The following KIF7 variants were observed in gnomAD, a reference collection of about 807,000 sequenced individuals.
KIF7 encodes kinesin family member 7.
A neutral mutation model predicts 135.7 loss-of-function variants in KIF7; 104 were observed. The observed-to-expected ratio is 0.77, with a 90% CI of 0.65 to 0.90. The LOEUF is 0.90. Ranked by LOEUF, KIF7 falls within the 40% of genes least tolerant of loss-of-function variation. The pLI is 0.00. For missense variants in KIF7, 2,005 were observed against 1,839.1 expected (o/e 1.09, Z -1.65); for synonymous variants, 883 against 809.4 (o/e 1.09, Z -1.54).
At chr15:89,629,698 C>T (rs931809153) in intron 16 of KIF7, 125 bp from the exon 17 acceptor site, 8 of 1,322,610 alleles carry the variant, frequency 6.0e-6, no homozygotes, top group Non-Finnish European at 8.3e-6. Flanking sequence ...AGGGTCTTCC[C>T]TGCTGAGCCA....
chr15:89,624,228 T>TA, downstream of KIF7: 1 of 1,614,188 alleles, frequency 6.2e-7, no homozygotes, highest in Non-Finnish European at 8.5e-7. Context: ...CCCCACCTGT[T>TA]ACGCCAAAGA....
rs1963643530 is a variant in KIF7, at chr15:89,630,268, C to A, written c.3318+19G>T. On this transcript the variant is annotated intron_variant, in intron 16 of 18. Coordinates refer to ENST00000394412, the MANE Select transcript of KIF7 (RefSeq NM_198525.3). The stretch of plus-strand genomic sequence containing the variant: ...GTGCCGCTGAGGAGGAGCTGGGGGG[C>A]CATGGGCTGCTGGCCCACCTTGTCA... The A allele has an allele frequency of 1.2e-6, 2 of 1,611,506 alleles. No individual in the cohort carries two copies. Among genetic ancestry groups the A allele is most frequent in the African/African-American group, 2.7e-5 (2 of 74,882 alleles).
upstream of KIF7, among the ~76,000 whole-genome samples, chr15:89,660,406 G>T (rs1964245909): frequency 6.6e-6 from 1 of 152,188 alleles, no homozygotes; most frequent in Non-Finnish European, 1.5e-5. Flanking sequence ...GTTCTGTCCA[G>T]TGGGTTATAA....
chr15:89,633,729 C>A lies in KIF7; in HGVS notation c.2549G>T (p.Arg850Leu), dbSNP rs141514601. ...CTTGCTCATTTCTGCCTCCAGGCGC[C>A]GCTTCTGCTCCGTCTCCTCGCGAAG... Reference protein sequence around the residue: ...RRLREETEQKRRLEAEMSKRQ... With the variant: ...RRLREETEQKLRLEAEMSKRQ... Residue 850 changes from arginine to leucine, a missense_variant, in exon 12 of 19, where the codon CGG becomes CTG. Physicochemically the swap from Arg to Leu is moderately radical, Grantham distance 102. Coordinates refer to ENST00000394412, the MANE Select transcript of KIF7 (RefSeq NM_198525.3). 2.2e-4 allele frequency: 351 copies of A among 1,608,810 alleles called. 2 individuals are homozygous for A. In the African/African-American group the frequency reaches 4.0e-3, roughly 18 times the overall value.
intron 10 of KIF7, among the ~76,000 whole-genome samples, chr15:89,643,677 G>A (rs1963961342): frequency 6.6e-6 from 1 of 152,204 alleles, no homozygotes; most frequent in South Asian, 2.1e-4. Context: ...ACGAGGTCAA[G>A]AGATCGAGAC....
chr15:89,639,464 A>C (rs1011967644), intron 11 of KIF7, among the ~76,000 whole-genome samples: 2 of 127,806 alleles, frequency 1.6e-5, no homozygotes, highest in Non-Finnish European at 3.3e-5. Context: ...AAACAACCCC[A>C]TCAAAAAGTG....
intron 1 of KIF7, 84 bp from the exon 2 acceptor site, chr15:89,653,038 C>A (rs1392704627): frequency 1.1e-5 from 12 of 1,079,518 alleles, no homozygotes; most frequent in Non-Finnish European, 1.5e-5. Context: ...GAGCCAGATC[C>A]TGCAGCTCCT....
intron 5 of KIF7, 35 bp from the exon 6 acceptor site, chr15:89,647,747 G>A (rs1192789386): frequency 2.0e-6 from 3 of 1,472,272 alleles, no homozygotes; most frequent in South Asian, 1.2e-5. Flanking sequence ...AGGGGCGGGG[G>A]TTGACAGGGC....
upstream of KIF7, among the ~76,000 whole-genome samples, chr15:89,658,127 T>A (rs1299059779): frequency 6.6e-6 from 1 of 152,166 alleles, no homozygotes; most frequent in Non-Finnish European, 1.5e-5. Context: ...AGAGAACTCT[T>A]AAGCTTCCTG....
At position 89,633,155 on chromosome 15, in the gene KIF7, G is replaced by A. The variant is rs1293379353; in HGVS notation, c.2704C>T (p.Leu902=). 1 of 1,603,488 alleles carries A rather than the reference G, an allele frequency of 6.2e-7. No individual in the cohort carries two copies. The highest frequency in any genetic ancestry group is 1.3e-5 in the African/African-American group (1 of 74,902). Residue 902 remains leucine (L), a synonymous_variant, in exon 13 of 19, where the codon CTG becomes TTG. Coordinates refer to ENST00000394412, the MANE Select transcript of KIF7 (RefSeq NM_198525.3). The stretch of plus-strand genomic sequence containing the variant: ...CCTGGCCCCACCTGCTGCTGTTCCA[G>A]GCTGACCACAGAGCCGTTGCTGCCA... ...RSGSNGSVVS[L]EQQQKIEEQK...
chr15:89,652,564 C>T (rs1964139833), intron 2 of KIF7, 39 bp downstream of exon 2: 1 of 1,433,318 alleles, frequency 7.0e-7, no homozygotes, highest in African/African-American at 1.4e-5. Context: ...AACTAAGGCT[C>T]CTTAAAGTGG....
chr15:89,651,213 C>A (rs1023334692), intron 2 of KIF7, among the ~76,000 whole-genome samples: 1 of 152,142 alleles, frequency 6.6e-6, no homozygotes, highest in Admixed American at 6.5e-5. Context: ...GATTCCCCTG[C>A]CTCAGCCTCC....
At chr15:89,623,690 C>T (rs926395148), downstream of KIF7, 5 of 1,614,062 alleles carry the variant, frequency 3.1e-6, no homozygotes, top group Admixed American at 1.7e-5. Context: ...ATCTCTCATA[C>T]ACCACAAACT....
chr15:89,634,207 G>A (rs1963752465), intron 11 of KIF7, among the ~76,000 whole-genome samples: 2 of 152,174 alleles, frequency 1.3e-5, no homozygotes, highest in Non-Finnish European at 2.9e-5. Context: ...GCTGAGGCAG[G>A]AGAATCACTT....
In KIF7 at chr15:89,630,370, G is replaced by A. The variant is rs1963646325; in HGVS notation, c.3235C>T (p.Gln1079Ter). 3 of 1,614,118 alleles carry A rather than the reference G, an allele frequency of 1.9e-6. No individual in the cohort carries two copies. The highest frequency in any genetic ancestry group is 2.5e-6 in the Non-Finnish European group (3 of 1,180,006). ...VLRASASLLSQCEMNLMAKLS... is the reference protein window; with the variant it reads ...VLRASASLLS ...TTGGCCATGAGGTTCATCTCGCACTGGGACAGCAACGAGGCTGAGGCCCGA... is the reference window on the plus strand; with the variant it reads ...TTGGCCATGAGGTTCATCTCGCACTAGGACAGCAACGAGGCTGAGGCCCGA... The change falls in exon 16 of 19, where the codon CAG (glutamine) becomes TAG (stop). Residue 1079 changes from glutamine (Q) to a stop codon, truncating the protein, a stop_gained. Transcript: ENST00000394412. LOFTEE classifies it high-confidence loss of function.
At position 89,648,508 on chromosome 15, in the gene KIF7, G is replaced by A. The variant is rs1004008713; in HGVS notation, c.1190C>T (p.Ala397Val). The change falls in exon 5 of 19, where the codon GCC becomes GTC. Residue 397 changes from alanine to valine, a missense_variant. Ala to Val is a moderately conservative substitution (Grantham distance 64, BLOSUM62 0). Transcript: ENST00000394412. Reference sequence around the variant, plus strand: ...CAGGCGCATGGCGGCCGCCGCGGAGGCGGTGGCTGGGCCTGGGGCGCGCCG... The same window carrying A: ...CAGGCGCATGGCGGCCGCCGCGGAGACGGTGGCTGGGCCTGGGGCGCGCCG... ...RGRRAPGPAT[A>V]SAAAAMRLGA... is the part of the protein sequence containing the mutation. 12 of 1,066,066 alleles carry A rather than the reference G, an allele frequency of 1.1e-5. No homozygotes were observed. The highest frequency in any genetic ancestry group is 6.9e-5 in the African/African-American group (4 of 58,028). The allele number at this position is 1,066,066 out of a possible 1,614,324, so 66.0% of individuals were successfully genotyped here.
chr15:89,623,198 G>A (rs764558148), downstream of KIF7, among the ~76,000 whole-genome samples: 2 of 152,210 alleles, frequency 1.3e-5, no homozygotes, highest in Non-Finnish European at 2.9e-5. Flanking sequence ...CTGGCACATA[G>A]CAGGTGATCA....
rs1026416611 is a variant in KIF7, at chr15:89,647,172, G to C, written c.1561-115C>G. ...ACCGTCTCTGGGCTGAAAATGAGGA[G>C]TGTCAAATACTCCTCTCCTCCCCAA... On this transcript the variant is annotated intron_variant, in intron 6 of 18. Transcript: ENST00000394412. 3.3e-6 allele frequency: 3 copies of C among 897,236 alleles called. No homozygotes were observed. The Admixed American group carries it at 6.1e-5, about 18-fold the overall frequency. 55.6% of individuals were successfully genotyped at this position (897,236 alleles called of 1,614,324 possible).
intron 11 of KIF7, among the ~76,000 whole-genome samples, chr15:89,640,740 T>A (rs888404338): frequency 6.6e-6 from 1 of 151,340 alleles, no homozygotes; most frequent in African/African-American, 2.4e-5. Flanking sequence ...ATCCCAGAAC[T>A]TTTGGGAGGC....
Sources: allele counts gnomAD v4.1 joint callset (sites outside exome capture counted in the v4.1 genomes callset), GRCh38; gene constraint gnomAD v4.1.1; transcripts MANE v1.5; gene names NCBI Gene and HGNC (gene_info 2026-07-23, HGNC 2026-07-21).